Variants in EPM2A observed in about 807,000 individuals in gnomAD.
The protein encoded by EPM2A is laforin.
Under a neutral mutation model 26.5 loss-of-function variants are expected in EPM2A, and 21 were observed. The observed-to-expected ratio is 0.79, with a 90% CI of 0.56 to 1.14. The LOEUF is 1.14. EPM2A is among the 50% of genes most tolerant of loss of function. EPM2A has a pLI of 0.00. For missense variants in EPM2A, 458 were observed against 440.8 expected (o/e 1.04, Z -0.35); for synonymous variants, 217 against 177.6 (o/e 1.22, Z -1.76).
chr6:145,705,089 A>G (rs1372863661), intron 1 of EPM2A, among the ~76,000 whole-genome samples: 1 of 152,164 alleles, frequency 6.6e-6, no homozygotes, highest in Non-Finnish European at 1.5e-5. Context: ...CTGCTACATG[A>G]CAGGCATTGT....
chr6:145,494,117 C>CT (rs1389530964), intron 4 of EPM2A, among the ~76,000 whole-genome samples: 2 of 152,096 alleles, frequency 1.3e-5, no homozygotes, highest in Non-Finnish European at 2.9e-5. Context: ...TGGTCGTGGG[C>CT]TTTTTTAGGT....
At position 145,627,566 on chromosome 6, in the gene EPM2A, C is replaced by T; in HGVS notation, c.846G>A (p.Gln282=). The T allele has an allele frequency of 1.2e-6, 2 of 1,614,256 alleles. No individual in the cohort carries two copies. The highest frequency in any genetic ancestry group is 1.7e-6 in the Non-Finnish European group (2 of 1,180,052). Reference sequence around the variant, plus strand: ...TCCTCAGATTCCAGCCCATCACATACTGGAGCCAGCCGCAGACAGCCGCGG... The same window carrying T: ...TCCTCAGATTCCAGCCCATCACATATTGGAGCCAGCCGCAGACAGCCGCGG... ...RSTAAVCGWL[Q]YVMGWNLRKV... The change falls in exon 4 of 4, where the codon CAG becomes CAA. Residue 282 remains glutamine (Q), a synonymous_variant. Coordinates refer to ENST00000367519, the MANE Select transcript of EPM2A (RefSeq NM_005670.4).
intron 1 of EPM2A, among the ~76,000 whole-genome samples, chr6:145,712,193 G>A (rs1775370706): frequency 6.6e-6 from 1 of 152,096 alleles, no homozygotes; most frequent in Admixed American, 6.5e-5. Flanking sequence ...AGATGATGGT[G>A]AAGATGAAGC....
At chr6:145,471,037 T>A (rs572432415) in intron 4 of EPM2A, among the ~76,000 whole-genome samples, 2 of 152,280 alleles carry the variant, frequency 1.3e-5, no homozygotes, top group African/African-American at 4.8e-5. Flanking sequence ...GGCTAGCTGA[T>A]AAAAGTTCAT....
chr6:145,732,967 C>G (rs1776575456), intron 1 of EPM2A, among the ~76,000 whole-genome samples: 1 of 152,122 alleles, frequency 6.6e-6, no homozygotes, highest in Admixed American at 6.5e-5. Context: ...GTTGGTGAGC[C>G]CAGGCAATCT....
intron 2 of EPM2A, among the ~76,000 whole-genome samples, chr6:145,600,091 T>C (rs1480549298): frequency 6.6e-6 from 1 of 152,224 alleles, no homozygotes; most frequent in African/African-American, 2.4e-5. Context: ...TCAATTTTTC[T>C]AGGTTTCTTT....
chr6:145,435,885 C>G (rs1410602249), intron 4 of EPM2A, among the ~76,000 whole-genome samples: 1 of 152,178 alleles, frequency 6.6e-6, no homozygotes, highest in East Asian at 1.9e-4. Flanking sequence ...TGTGCACACA[C>G]ATACATAGCA....
chr6:145,535,103 T>C (rs570517159), intron 2 of EPM2A, among the ~76,000 whole-genome samples: 1 of 152,214 alleles, frequency 6.6e-6, no homozygotes, highest in Admixed American at 6.5e-5. Flanking sequence ...AGAAAAAGAA[T>C]AGATGAATCT....
At chr6:145,486,240 G>C (rs1305220945) in intron 4 of EPM2A, among the ~76,000 whole-genome samples, 1 of 152,172 alleles carries the variant, frequency 6.6e-6, no homozygotes, top group Non-Finnish European at 1.5e-5. Flanking sequence ...GGTCACCCCA[G>C]AAGGACTCTT....
At chr6:145,386,063 G>A (rs867663708) in intron 4 of EPM2A, among the ~76,000 whole-genome samples, 30 of 151,826 alleles carry the variant, frequency 2.0e-4, no homozygotes, top group Admixed American at 2.0e-4. Flanking sequence ...CTAAAGAGCT[G>A]TACTTTAGTA....
At chr6:145,390,612 TTCTGCACAGACTCATTC>T (rs1778325247) in intron 4 of EPM2A, among the ~76,000 whole-genome samples, 1 of 151,746 alleles carries the variant, frequency 6.6e-6, no homozygotes, top group Admixed American at 6.6e-5. Context: ...CCGCTCATAC[TTCTGCACAGACTCATTC>T]TCTATTTGTG....
intron 1 of EPM2A, among the ~76,000 whole-genome samples, chr6:145,720,438 A>G (rs1775893256): frequency 6.6e-6 from 1 of 152,188 alleles, no homozygotes; most frequent in Non-Finnish European, 1.5e-5. Context: ...TGTTAAAGCA[A>G]CACTTTAAAC....
chr6:145,691,522 GAAGAATGAGCACAGTAAACAAAATT>G (rs1781280623), intron 1 of EPM2A, among the ~76,000 whole-genome samples: 1 of 151,976 alleles, frequency 6.6e-6, no homozygotes, highest in African/African-American at 2.4e-5. Flanking sequence ...TTGAAAACAG[GAAGAATGAGCACAGTAAACAAAATT>G]ATAAGTAAAT....
chr6:145,394,333 T>C (rs542672749), intron 4 of EPM2A, among the ~76,000 whole-genome samples: 1 of 152,128 alleles, frequency 6.6e-6, no homozygotes, highest in Non-Finnish European at 1.5e-5. Flanking sequence ...CATTAGCTTC[T>C]CAGTTGCCAC....
chr6:145,675,308 C>T (rs1779948998), intron 2 of EPM2A, among the ~76,000 whole-genome samples: 1 of 152,196 alleles, frequency 6.6e-6, no homozygotes, highest in Admixed American at 6.5e-5. Flanking sequence ...AAAGGAACAA[C>T]TGTTACCACC....
intron 2 of EPM2A, among the ~76,000 whole-genome samples, chr6:145,597,119 CT>C (rs1781356754): frequency 6.6e-6 from 1 of 151,612 alleles, no homozygotes; most frequent in Non-Finnish European, 1.5e-5. Flanking sequence ...TGGTCTCGAT[CT>C]CCTGACCTCA....
chr6:145,393,769 G>T (rs866980995), intron 4 of EPM2A, among the ~76,000 whole-genome samples: 1 of 151,768 alleles, frequency 6.6e-6, no homozygotes, highest in East Asian at 1.9e-4. Flanking sequence ...TTATGCTACG[G>T]TTGTAACCAA....
At chr6:145,604,943 G>T (rs1373634538) in intron 2 of EPM2A, among the ~76,000 whole-genome samples, 2 of 152,080 alleles carry the variant, frequency 1.3e-5, no homozygotes, top group Non-Finnish European at 2.9e-5. Flanking sequence ...TGGATGGTTT[G>T]CTAAAAAGAT....
chr6:145,655,301 G>A (rs969344542), intron 2 of EPM2A, among the ~76,000 whole-genome samples: 8 of 151,996 alleles, frequency 5.3e-5, no homozygotes, highest in South Asian at 2.1e-4. Flanking sequence ...CTGTCCAAAT[G>A]ACCTAGAGAA....
Sources: gnomAD v4.1 joint callset for allele counts (sites outside exome capture counted in the v4.1 genomes callset) on GRCh38, gnomAD v4.1.1 for gene constraint, MANE v1.5 for transcripts, NCBI Gene and HGNC (gene_info 2026-07-23, HGNC 2026-07-21) for gene names.